The following CDYL2 variants were observed in gnomAD, a reference collection of about 807,000 sequenced individuals.
CDYL2 encodes the protein chromodomain Y-like protein 2.
In CDYL2, 23 loss-of-function variants were observed where a neutral mutation model predicts 49.4. The observed-to-expected ratio is 0.47, with a 90% CI of 0.34 to 0.66. The LOEUF is 0.66. Among genes scored for constraint, CDYL2 ranks in the 30% least tolerant of loss-of-function variants. The pLI, the probability that CDYL2 is intolerant of heterozygous loss-of-function variation, is 0.01. For missense variants in CDYL2, 678 were observed against 656.4 expected (o/e 1.03, Z -0.36); for synonymous variants, 360 against 268.8 (o/e 1.34, Z -3.32).
intron 2 of CDYL2, among the ~76,000 whole-genome samples, chr16:80,659,732 C>CA (rs1908965973): frequency 6.6e-6 from 1 of 151,612 alleles, no homozygotes; most frequent in Non-Finnish European, 1.5e-5. Flanking sequence ...GAAATTATTT[C>CA]AAAATAAAAA....
At chr16:80,767,443 A>G (rs887885511) in intron 1 of CDYL2, among the ~76,000 whole-genome samples, 1 of 152,166 alleles carries the variant, frequency 6.6e-6, no homozygotes, top group African/African-American at 2.4e-5. Context: ...AACTGCAGCC[A>G]TTTATTCTGG....
At chr16:80,681,058 G>T (rs1260670156) in intron 2 of CDYL2, among the ~76,000 whole-genome samples, 1 of 152,108 alleles carries the variant, frequency 6.6e-6, no homozygotes, top group African/African-American at 2.4e-5. Flanking sequence ...ACCACCCGCC[G>T]GAGCCCCAAT....
At chr16:80,748,161 TA>T (rs1905999153) in intron 1 of CDYL2, among the ~76,000 whole-genome samples, 1 of 135,158 alleles carries the variant, frequency 7.4e-6, no homozygotes. Context: ...ATAATAATAA[TA>T]ATAATATAAA....
chr16:80,787,597 C>G (rs915880804), intron 1 of CDYL2, among the ~76,000 whole-genome samples: 1 of 150,650 alleles, frequency 6.6e-6, no homozygotes, highest in Non-Finnish European at 1.5e-5. Context: ...TTCGTTCTCT[C>G]TCTCCTCTCT....
chr16:80,799,471 T>C (rs1348337656), intron 1 of CDYL2, among the ~76,000 whole-genome samples: 2 of 152,126 alleles, frequency 1.3e-5, no homozygotes, highest in East Asian at 1.9e-4. Flanking sequence ...TCTATAAATA[T>C]GAAATAACAA....
At chr16:80,722,667 T>A (rs1308234721) in intron 1 of CDYL2, among the ~76,000 whole-genome samples, 1 of 152,138 alleles carries the variant, frequency 6.6e-6, no homozygotes, top group Non-Finnish European at 1.5e-5. Context: ...CTGACAGACA[T>A]CCGAAAACCA....
intron 4 of CDYL2, among the ~76,000 whole-genome samples, chr16:80,619,568 G>A (rs1244425902): frequency 2.0e-5 from 3 of 152,198 alleles, no homozygotes; most frequent in Admixed American, 6.5e-5. Flanking sequence ...GAAGCACGCT[G>A]GAAATCCTGT....
intron 1 of CDYL2, among the ~76,000 whole-genome samples, chr16:80,726,703 A>C (rs1440673375): frequency 6.6e-6 from 1 of 152,040 alleles, no homozygotes; most frequent in Non-Finnish European, 1.5e-5. Flanking sequence ...TCTAGGGTTG[A>C]AACATGGAAT....
intron 1 of CDYL2, among the ~76,000 whole-genome samples, chr16:80,748,190 G>A (rs1906001250): frequency 6.7e-6 from 1 of 148,512 alleles, no homozygotes; most frequent in Non-Finnish European, 1.5e-5. Context: ...GCATAGGCTT[G>A]GGGCCAGAGG....
At chr16:80,615,668 G>A (rs1192001735) in intron 4 of CDYL2, among the ~76,000 whole-genome samples, 2 of 152,066 alleles carry the variant, frequency 1.3e-5, no homozygotes, top group African/African-American at 4.8e-5. Context: ...TTCCTCTGCA[G>A]GACCCCAGAG....
chr16:80,688,465 A>G (rs1160420254), intron 1 of CDYL2, among the ~76,000 whole-genome samples: 1 of 152,204 alleles, frequency 6.6e-6, no homozygotes, highest in African/African-American at 2.4e-5. Flanking sequence ...GCATCACTAC[A>G]AGATGAATGG....
chr16:80,699,786 G>A (rs140022287), intron 1 of CDYL2, among the ~76,000 whole-genome samples: 163 of 152,050 alleles, frequency 1.1e-3, no homozygotes, highest in Non-Finnish European at 1.9e-3. Context: ...CCATAAATAT[G>A]TATAATTATT....
intron 1 of CDYL2, among the ~76,000 whole-genome samples, chr16:80,695,333 C>T (rs571613503): frequency 5.3e-5 from 8 of 152,098 alleles, no homozygotes; most frequent in East Asian, 1.9e-4. Context: ...ATAATAAAAG[C>T]GGAAGAAAGA....
chr16:80,667,805 G>T (rs149704649), intron 2 of CDYL2, among the ~76,000 whole-genome samples: 1 of 152,114 alleles, frequency 6.6e-6, no homozygotes, highest in Non-Finnish European at 1.5e-5. Flanking sequence ...TCCTATAAAC[G>T]AATTCATTTA....
At chr16:80,748,627 T>C (rs1014719491) in intron 1 of CDYL2, among the ~76,000 whole-genome samples, 3 of 149,888 alleles carry the variant, frequency 2.0e-5, no homozygotes, top group African/African-American at 7.4e-5. Context: ...GAAATATTTC[T>C]GAAGAATTCT....
chr16:80,690,721 C>T (rs1910382583), intron 1 of CDYL2, among the ~76,000 whole-genome samples: 2 of 152,176 alleles, frequency 1.3e-5, no homozygotes, highest in African/African-American at 4.8e-5. Context: ...CTGCCAATTT[C>T]CTTGAAGTCC....
chr16:80,796,542 A>G (rs921955165), intron 1 of CDYL2, among the ~76,000 whole-genome samples: 1 of 152,140 alleles, frequency 6.6e-6, no homozygotes, highest in Non-Finnish European at 1.5e-5. Context: ...TTTTTTCTCC[A>G]ATTAAAATTA....
At chr16:80,642,309 G>A (rs1197837287) in intron 2 of CDYL2, among the ~76,000 whole-genome samples, 1 of 152,112 alleles carries the variant, frequency 6.6e-6, no homozygotes, top group African/African-American at 2.4e-5. Flanking sequence ...TGGGCATGGT[G>A]GCATGCCCCT....
intron 1 of CDYL2, among the ~76,000 whole-genome samples, chr16:80,765,342 G>A (rs1424977099): frequency 6.6e-6 from 1 of 151,548 alleles, no homozygotes; most frequent in African/African-American, 2.4e-5. Flanking sequence ...TGACAGAAAC[G>A]ACGAAAGACT....
Sources: gnomAD v4.1 joint callset for allele counts (sites outside exome capture counted in the v4.1 genomes callset) on GRCh38, gnomAD v4.1.1 for gene constraint, MANE v1.5 for transcripts, NCBI Gene and HGNC (gene_info 2026-07-23, HGNC 2026-07-21) for gene names.